Variants in KIAA1217 observed in about 807,000 individuals in gnomAD.
The protein encoded by KIAA1217 is sickle tail protein homolog.
A neutral mutation model predicts 163.9 loss-of-function variants in KIAA1217; 88 were observed. That is an observed-to-expected ratio of 0.54 (90% CI 0.45 to 0.64). The LOEUF (loss-of-function observed/expected upper bound fraction) is 0.64, where lower values mean the gene tolerates loss of function less well. Ranked by LOEUF, KIAA1217 falls within the 30% of genes least tolerant of loss-of-function variation. The probability of loss-of-function intolerance (pLI) is 0.00; values close to 1 mark genes in which losing one functional copy is unlikely to be tolerated. For synonymous variants in KIAA1217, 903 were observed against 923.1 expected (o/e 0.98, Z 0.39); for missense variants, 2,372 against 2,475.0 (o/e 0.96, Z 0.88).
At chr10:24,067,331 T>C (rs1175431395) in intron 2 of KIAA1217, among the ~76,000 whole-genome samples, 1 of 152,208 alleles carries the variant, frequency 6.6e-6, no homozygotes, top group Non-Finnish European at 1.5e-5. Context: ...GGTATGGATG[T>C]CCTTTCTGTT....
chr10:24,170,368 T>G (rs1190851421), intron 2 of KIAA1217, among the ~76,000 whole-genome samples: 1 of 152,184 alleles, frequency 6.6e-6, no homozygotes, highest in Non-Finnish European at 1.5e-5. Flanking sequence ...TCTCCGTTGT[T>G]TGGTTTTTCA....
intron 1 of KIAA1217, among the ~76,000 whole-genome samples, chr10:23,947,744 A>G (rs926958003): frequency 1.3e-5 from 2 of 152,224 alleles, no homozygotes; most frequent in South Asian, 2.1e-4. Flanking sequence ...CCCAATGGAT[A>G]AAAATGTTGC....
intron 2 of KIAA1217, among the ~76,000 whole-genome samples, chr10:24,098,794 T>C (rs569212684): frequency 7.3e-5 from 11 of 149,822 alleles, no homozygotes; most frequent in Admixed American, 2.0e-4. Context: ...AGGGAAAGAA[T>C]GCCTATTGGA....
intron 7 of KIAA1217, 149 bp downstream of exon 7, chr10:24,494,753 T>C: frequency 1.5e-6 from 1 of 671,876 alleles, no homozygotes; most frequent in East Asian, 2.8e-5. Context: ...GTTATTTTTT[T>C]GTTTTGGGGG....
intron 2 of KIAA1217, among the ~76,000 whole-genome samples, chr10:24,038,280 C>T (rs1848480856): frequency 1.3e-5 from 2 of 152,116 alleles, no homozygotes; most frequent in Admixed American, 1.3e-4. Flanking sequence ...AATAATAAAC[C>T]ACATGGTGCT....
chr10:23,846,216 C>T (rs1839020996), intron 1 of KIAA1217, among the ~76,000 whole-genome samples: 1 of 152,022 alleles, frequency 6.6e-6, no homozygotes, highest in Non-Finnish European at 1.5e-5. Context: ...GCTGTGTGGG[C>T]TCTTTTTGGG....
At chr10:24,278,943 G>T (rs553072159) in intron 2 of KIAA1217, among the ~76,000 whole-genome samples, 24 of 149,036 alleles carry the variant, frequency 1.6e-4, no homozygotes, top group African/African-American at 5.4e-4. Flanking sequence ...TGCAACCTCT[G>T]CCTCCCAGGC....
intron 3 of KIAA1217, among the ~76,000 whole-genome samples, chr10:24,403,932 A>G (rs894292503): frequency 6.6e-6 from 1 of 152,154 alleles, no homozygotes; most frequent in Non-Finnish European, 1.5e-5. Flanking sequence ...TAGCCACGCT[A>G]GAAAGTAGTT....
intron 2 of KIAA1217, among the ~76,000 whole-genome samples, chr10:24,060,631 CAA>C (rs547257996): frequency 6.6e-6 from 1 of 152,034 alleles, no homozygotes; most frequent in Non-Finnish European, 1.5e-5. Context: ...TCTGTTTCTA[CAA>C]AAAAATTTTT....
chr10:23,933,229 A>T (rs948567664), intron 1 of KIAA1217, among the ~76,000 whole-genome samples: 4 of 152,176 alleles, frequency 2.6e-5, no homozygotes, highest in African/African-American at 4.8e-5. Flanking sequence ...GGGAGAGTTG[A>T]AGAGAGAAAT....
intron 1 of KIAA1217, among the ~76,000 whole-genome samples, chr10:23,991,581 G>A (rs936033914): frequency 6.6e-6 from 1 of 152,120 alleles, no homozygotes; most frequent in Admixed American, 6.6e-5. Flanking sequence ...ACTGTAAAAT[G>A]GGGTAGGTTC....
intron 3 of KIAA1217, among the ~76,000 whole-genome samples, chr10:24,383,819 C>T (rs1479199947): frequency 1.3e-5 from 2 of 152,176 alleles, no homozygotes; most frequent in African/African-American, 4.8e-5. Context: ...GGGGAATGTC[C>T]CCCCAGCCGC....
chr10:23,750,908 C>T (rs887323023), intron 1 of KIAA1217, among the ~76,000 whole-genome samples: 3 of 152,030 alleles, frequency 2.0e-5, no homozygotes, highest in African/African-American at 7.2e-5. Context: ...GAATTTTCTA[C>T]TCATGATGTG....
At chr10:24,170,010 A>G (rs914331159) in intron 2 of KIAA1217, among the ~76,000 whole-genome samples, 1 of 152,214 alleles carries the variant, frequency 6.6e-6, no homozygotes, top group Non-Finnish European at 1.5e-5. Context: ...GCAGTGGTTG[A>G]TTGTGTTATG....
intron 1 of KIAA1217, among the ~76,000 whole-genome samples, chr10:23,919,628 A>T (rs1362989925): frequency 6.6e-6 from 1 of 151,224 alleles, no homozygotes; most frequent in African/African-American, 2.4e-5. Flanking sequence ...AAAAAAAAAA[A>T]AAAGGCTCTG....
intron 10 of KIAA1217, among the ~76,000 whole-genome samples, chr10:24,516,532 G>GA (rs2070194312): frequency 6.6e-6 from 1 of 152,262 alleles, no homozygotes. Flanking sequence ...CGGTGATTCT[G>GA]AAGCACTTTC....
chr10:24,136,761 C>T (rs1227976593), intron 2 of KIAA1217, among the ~76,000 whole-genome samples: 2 of 152,160 alleles, frequency 1.3e-5, no homozygotes, highest in Non-Finnish European at 2.9e-5. Flanking sequence ...TCTGGTTCTT[C>T]GAGGAAACAT....
Position 23,759,024 on chromosome 10 carries a change from G to A in KIAA1217, c.-321+63790G>A, listed in dbSNP as rs1032121492. Among the ~76,000 whole-genome samples the A allele has an allele frequency of 7.2e-5, 11 of 152,102 alleles. No homozygotes were observed. The South Asian group carries it at 1.2e-3, about 17-fold the overall frequency. On this transcript the variant is annotated intron_variant, in intron 1 of 18. Transcript: ENST00000376462. ...GTAGATTGCTTTGGGTAGTATTGACGTCTTAATAGGTTTTTCAACCCATGA... is the reference window on the plus strand; with the variant it reads ...GTAGATTGCTTTGGGTAGTATTGACATCTTAATAGGTTTTTCAACCCATGA...
chr10:24,286,787 A>T (rs2078586524), intron 2 of KIAA1217, among the ~76,000 whole-genome samples: 1 of 152,142 alleles, frequency 6.6e-6, no homozygotes, highest in African/African-American at 2.4e-5. Flanking sequence ...TCTGTTCCGT[A>T]GTTTCTCACC....
Sources: gnomAD v4.1 joint callset for allele counts (sites outside exome capture counted in the v4.1 genomes callset) on GRCh38, gnomAD v4.1.1 for gene constraint, MANE v1.5 for transcripts, NCBI Gene and HGNC (gene_info 2026-07-23, HGNC 2026-07-21) for gene names.